ADAMTS2: variants seen among roughly 807,000 people sequenced by gnomAD.
ADAMTS2 encodes ADAM metallopeptidase with thrombospondin type 1 motif 2.
Under a neutral mutation model 123.0 loss-of-function variants are expected in ADAMTS2, and 50 were observed. The ratio of observed to expected loss-of-function variants is 0.41; its 90% CI spans 0.32 to 0.51. ADAMTS2 has a LOEUF of 0.51. Among genes scored for constraint, ADAMTS2 ranks in the 20% least tolerant of loss-of-function variants. The pLI is 0.35. For missense variants in ADAMTS2, 1,494 were observed against 1,705.2 expected (o/e 0.88, Z 2.18); for synonymous variants, 678 against 695.4 (o/e 0.98, Z 0.39).
rs1766242922 is a variant in ADAMTS2, at chr5:179,262,050, C to G, written c.688+10861G>C. On this transcript the variant is annotated intron_variant, in intron 3 of 21. Transcript: ENST00000251582. The surrounding 1 kb of genome is among the most constrained non-coding windows in gnomAD (Gnocchi z 5.9). ...AGTCTGGGAACACATGGGTCTTGGC[C>G]TTGGCACCTTCTTTCCTGGGAAAAC... Among the ~76,000 whole-genome samples the G allele has an allele frequency of 6.6e-6, 1 of 152,182 alleles. No individual in the cohort carries two copies. The highest frequency in any genetic ancestry group is 1.5e-5 in the Non-Finnish European group (1 of 68,014).
At chr5:179,159,300 G>A (rs565324611) in intron 5 of ADAMTS2, among the ~76,000 whole-genome samples, 9 of 152,294 alleles carry the variant, frequency 5.9e-5, no homozygotes, top group African/African-American at 9.6e-5. Flanking sequence ...GGGAGGGTCC[G>A]TGGCAGGGGA....
chr5:179,330,057 C>T (rs556775000), intron 2 of ADAMTS2, among the ~76,000 whole-genome samples: 2 of 144,760 alleles, frequency 1.4e-5, no homozygotes, highest in African/African-American at 5.1e-5. Context: ...ACCCGGGAAG[C>T]GGAGCTTGCA....
chr5:179,207,653 T>C lies in ADAMTS2; in HGVS notation c.751A>G (p.Asn251Asp), dbSNP rs565905955. ...CTGCGTGCCCTCCGCCTCGAGCTGTTGGCGTGCTCCTCTAGGACGCCCAGG... is the reference window on the plus strand; with the variant it reads ...CTGCGTGCCCTCCGCCTCGAGCTGTCGGCGTGCTCCTCTAGGACGCCCAGG... ...RALGVLEEHA[N>D]SSRRRARRHA... Residue 251 changes from asparagine (N) to aspartate (D), a missense_variant, in exon 4 of 22, where the codon AAC becomes GAC. Around this residue, in one of 6 missense-constraint regions of ADAMTS2, gnomAD observed 184 missense variants for 152.1 expected, o/e 1.21. Coordinates refer to ENST00000251582, the MANE Select transcript of ADAMTS2 (RefSeq NM_014244.5). The C allele has an allele frequency of 1.2e-6, 2 of 1,613,710 alleles. No homozygotes were observed. Among genetic ancestry groups the C allele is most frequent in the East Asian group, 4.5e-5 (2 of 44,882 alleles).
At chr5:179,173,053 G>T (rs544692345) in intron 5 of ADAMTS2, among the ~76,000 whole-genome samples, 5 of 147,904 alleles carry the variant, frequency 3.4e-5, no homozygotes, top group East Asian at 2.0e-4. Flanking sequence ...AAAAAAAAAA[G>T]AAAAAAAAAT....
intron 3 of ADAMTS2, among the ~76,000 whole-genome samples, chr5:179,271,017 C>T (rs573527093): frequency 2.6e-5 from 4 of 152,336 alleles, no homozygotes; most frequent in Middle Eastern, 3.4e-3. Flanking sequence ...CCTTCCAGCC[C>T]AGCCTCACCC....
intron 21 of ADAMTS2, among the ~76,000 whole-genome samples, chr5:179,119,760 G>A (rs763486609): frequency 7.9e-5 from 12 of 152,162 alleles, no homozygotes; most frequent in Admixed American, 2.6e-4. Flanking sequence ...GGTGGCTCAC[G>A]GCAGGTGACC....
At chr5:179,133,748 C>A (rs1364730405) in intron 13 of ADAMTS2, among the ~76,000 whole-genome samples, 1 of 150,334 alleles carries the variant, frequency 6.7e-6, no homozygotes, top group African/African-American at 2.5e-5. Context: ...TTGAGACAGT[C>A]TCGCTCTGTC....
Position 179,185,329 on chromosome 5 carries a change from G to A in ADAMTS2, c.892-4174C>T, listed in dbSNP as rs574692988. On this transcript the variant is annotated intron_variant, in intron 4 of 21. Coordinates refer to ENST00000251582, the MANE Select transcript of ADAMTS2 (RefSeq NM_014244.5). The surrounding 1 kb of genome is among the most constrained non-coding windows in gnomAD (Gnocchi z 5.9). ...GAGTGCAGAGAAGGGACGGATGTGA[G>A]GGATGATGTGGATTGGAATAGGGGT... Among the ~76,000 whole-genome samples, 2 of 152,294 alleles carry A rather than the reference G, an allele frequency of 1.3e-5. No individual in the cohort carries two copies. Among genetic ancestry groups the A allele is most frequent in the African/African-American group, 2.4e-5 (1 of 41,570 alleles).
intron 21 of ADAMTS2, chr5:179,120,105 C>T (rs1399339770): frequency 1.3e-5 from 2 of 152,034 alleles, no homozygotes; most frequent in South Asian, 2.1e-4. Flanking sequence ...CTGAGTGAGG[C>T]CCCGCAACTC....
At chr5:179,221,014 G>T (rs1355835141) in intron 3 of ADAMTS2, among the ~76,000 whole-genome samples, 4 of 152,166 alleles carry the variant, frequency 2.6e-5, no homozygotes, top group African/African-American at 9.7e-5. Context: ...ACCCCTCTAG[G>T]TCAGGAGTCC....
At chr5:179,321,080 C>CT (rs888331055) in intron 2 of ADAMTS2, among the ~76,000 whole-genome samples, 3 of 151,226 alleles carry the variant, frequency 2.0e-5, no homozygotes, top group South Asian at 2.1e-4. Context: ...GTTTTTTTTT[C>CT]TTTTTTCTGA....
At chr5:179,208,101 G>A (rs1382018204) in intron 3 of ADAMTS2, among the ~76,000 whole-genome samples, 2 of 42,130 alleles carry the variant, frequency 4.7e-5, no homozygotes, top group Non-Finnish European at 8.2e-5. Flanking sequence ...GAGAGGTCGG[G>A]AACCTCAGCC....
At chr5:179,267,116 C>T (rs1052767454) in intron 3 of ADAMTS2, among the ~76,000 whole-genome samples, 9 of 152,144 alleles carry the variant, frequency 5.9e-5, no homozygotes, top group African/African-American at 2.2e-4. Context: ...TGAGGTCCGC[C>T]CCCACCCCCG....
At position 179,344,156 on chromosome 5, in the gene ADAMTS2, G is replaced by C; in HGVS notation, c.145C>G (p.Pro49Ala). The change falls in exon 2 of 22, where the codon CCC becomes GCC. Residue 49 changes from proline to alanine, a missense_variant. Pro to Ala is a conservative substitution (Grantham distance 27). Around this residue, in one of 6 missense-constraint regions of ADAMTS2, gnomAD observed 237 missense variants for 233.7 expected, o/e 1.01. Coordinates refer to ENST00000251582, the MANE Select transcript of ADAMTS2 (RefSeq NM_014244.5). ...LAAAADPPGG[P>A]LGHGAERILA... is the part of the protein sequence containing the mutation. ...ATGCGCTCCGCTCCGTGCCCCAGGGGCCCGCCTGCAACGGGAAGGGGCGTT... is the reference window on the plus strand; with the variant it reads ...ATGCGCTCCGCTCCGTGCCCCAGGGCCCCGCCTGCAACGGGAAGGGGCGTT... 1.9e-6 allele frequency: 3 copies of C among 1,589,616 alleles called. No individual in the cohort carries two copies. The highest frequency in any genetic ancestry group is 1.8e-5 in the Admixed American group (1 of 56,114).
At chr5:179,186,414 T>C (rs766624504) in intron 4 of ADAMTS2, among the ~76,000 whole-genome samples, 2 of 152,170 alleles carry the variant, frequency 1.3e-5, no homozygotes, top group Non-Finnish European at 2.9e-5. Flanking sequence ...GCAGGGTTTG[T>C]GGGGCATGTG....
chr5:179,324,709 A>G (rs1471807577), intron 2 of ADAMTS2, among the ~76,000 whole-genome samples: 1 of 152,164 alleles, frequency 6.6e-6, no homozygotes, highest in Admixed American at 6.5e-5. Flanking sequence ...TATTTCAATC[A>G]GATTTATTTC....
Position 179,125,136 on chromosome 5 carries a change from C to T in ADAMTS2, c.2795G>A (p.Arg932Gln), listed in dbSNP as rs140022033. 1.2e-3 allele frequency: 1,949 copies of T among 1,612,998 alleles called. 1 individual carries two copies. Among genetic ancestry groups the T allele is most frequent in the Non-Finnish European group, 1.4e-3 (1,695 of 1,179,924 alleles). ...CACGGAGCGCACCTGCATGCCTGTCCGCCCACAGGTCTGGCTACATGGCTC... is the reference window on the plus strand; with the variant it reads ...CACGGAGCGCACCTGCATGCCTGTCTGCCCACAGGTCTGGCTACATGGCTC... The part of the protein sequence containing the change: ...EWEPCSQTCG[R>Q]TGMQVRSVRC... The change falls in exon 19 of 22, where the codon CGG becomes CAG. Residue 932 changes from arginine (R) to glutamine (Q), a missense_variant. Coordinates refer to ENST00000251582, the MANE Select transcript of ADAMTS2 (RefSeq NM_014244.5).
At position 179,117,251 on chromosome 5, in the gene ADAMTS2, T is replaced by C. The variant is rs2113168288; in HGVS notation, c.3179-2927A>G. Among the ~76,000 whole-genome samples, 1 of 152,264 alleles carries C rather than the reference T, an allele frequency of 6.6e-6. No individual in the cohort carries two copies. Among genetic ancestry groups the C allele is most frequent in the African/African-American group, 2.4e-5 (1 of 41,556 alleles). On this transcript the variant is annotated intron_variant, in intron 21 of 21. Transcript: ENST00000251582. This position sits in a 1 kb window ranked among gnomAD's most constrained non-coding sequence, Gnocchi z 4.2. ...AGCTGATGGTGGCCTCCCTTCTCCC[T>C]ACCCCATAGGCTTTGACAAAGGAGG... is the stretch of plus-strand genomic sequence containing the variant.
chr5:179,325,738 C>T lies in ADAMTS2; in HGVS notation c.534+18029G>A, dbSNP rs569695500. Among the ~76,000 whole-genome samples the T allele has an allele frequency of 1.6e-4, 25 of 152,396 alleles. No individual in the cohort carries two copies. The East Asian group carries it at 4.6e-3, about 28-fold the overall frequency. ...ACGGGGAGGGCGGCTGAGCTGAAAC[C>T]GTGCGGGAGGCCTGGGCTGCCGCCC... is the stretch of plus-strand genomic sequence containing the variant. On this transcript the variant is annotated intron_variant, in intron 2 of 21. Transcript: ENST00000251582.
Sources: allele counts gnomAD v4.1 joint callset (sites outside exome capture counted in the v4.1 genomes callset), GRCh38; gene constraint gnomAD v4.1.1; regional missense constraint gnomAD v4.1.1; non-coding constraint Gnocchi (gnomAD v3.1); transcripts MANE v1.5; gene names NCBI Gene and HGNC (gene_info 2026-07-23, HGNC 2026-07-21).